The following BBS9 variants were observed in gnomAD, a reference collection of about 807,000 sequenced individuals.
BBS9 encodes the protein Bardet-Biedl syndrome 9, also known as protein PTHB1.
Under a neutral mutation model 117.7 loss-of-function variants are expected in BBS9, and 89 were observed. The observed-to-expected ratio is 0.76, with a 90% CI of 0.64 to 0.90. The LOEUF (loss-of-function observed/expected upper bound fraction) is 0.90. BBS9 is among the 40% of genes least tolerant of loss of function. The pLI, the probability that BBS9 is intolerant of heterozygous loss-of-function variation, is 0.00. For missense variants in BBS9, 982 were observed against 1,042.2 expected (o/e 0.94, Z 0.80); for synonymous variants, 379 against 370.9 (o/e 1.02, Z -0.25).
intron 19 of BBS9, among the ~76,000 whole-genome samples, chr7:33,502,154 C>G (rs971939024): frequency 6.6e-6 from 1 of 152,120 alleles, no homozygotes; most frequent in Non-Finnish European, 1.5e-5. Flanking sequence ...GTGATCTGCC[C>G]GCCTCGGCCT....
chr7:33,608,423 G>A (rs1864695854), downstream of BBS9, among the ~76,000 whole-genome samples: 1 of 152,008 alleles, frequency 6.6e-6, no homozygotes, highest in Admixed American at 6.6e-5. Flanking sequence ...ATGACTAGGT[G>A]GAATGGTAGT....
intron 19 of BBS9, among the ~76,000 whole-genome samples, chr7:33,412,545 A>G (rs1331741816): frequency 6.6e-6 from 1 of 152,172 alleles, no homozygotes; most frequent in African/African-American, 2.4e-5. Flanking sequence ...CTATTCCTGG[A>G]GTTCAGCAGT....
In BBS9 at chr7:33,434,332, T is replaced by A. The variant is rs551347618; in HGVS notation, c.2115+46188T>A. ...TATGTTGCTGTAAAGTCATTTTTTT[T>A]ATTTAATGTGTATCTGTCTTTTTAG... On this transcript the variant is annotated intron_variant, in intron 19 of 22. Coordinates refer to ENST00000242067, the MANE Select transcript of BBS9 (RefSeq NM_198428.3). Among the ~76,000 whole-genome samples, 21 of 152,166 alleles carry A rather than the reference T, an allele frequency of 1.4e-4. No individual in the cohort carries two copies. In the South Asian group the frequency reaches 2.5e-3, roughly 18 times the overall value.
chr7:33,273,593 C>G (rs1332937047), intron 8 of BBS9, among the ~76,000 whole-genome samples: 1 of 152,094 alleles, frequency 6.6e-6, no homozygotes, highest in Non-Finnish European at 1.5e-5. Flanking sequence ...TTCATGCTTT[C>G]TAGATGAAAT....
intron 21 of BBS9, among the ~76,000 whole-genome samples, chr7:33,588,975 A>G (rs1442216724): frequency 6.6e-6 from 1 of 152,130 alleles, no homozygotes; most frequent in Non-Finnish European, 1.5e-5. Flanking sequence ...TCTGGGTGAA[A>G]TGGGGAAAGC....
chr7:33,453,118 T>C (rs1227215013), intron 19 of BBS9, among the ~76,000 whole-genome samples: 1 of 152,236 alleles, frequency 6.6e-6, no homozygotes, highest in Non-Finnish European at 1.5e-5. Flanking sequence ...TTTGAAGTAC[T>C]GGAAATCATG....
intron 19 of BBS9, among the ~76,000 whole-genome samples, chr7:33,408,842 C>T (rs1445385423): frequency 6.6e-6 from 1 of 152,188 alleles, no homozygotes; most frequent in East Asian, 1.9e-4. Context: ...GGAAGTGTTC[C>T]CTTTTCTCTG....
chr7:33,546,338 C>T (rs1341790782), intron 21 of BBS9, among the ~76,000 whole-genome samples: 1 of 152,112 alleles, frequency 6.6e-6, no homozygotes, highest in African/African-American at 2.4e-5. Context: ...AACATATAAA[C>T]TGCTTCTGAT....
chr7:33,242,522 C>T (rs17475325), intron 5 of BBS9, among the ~76,000 whole-genome samples: 15,359 of 151,820 alleles, frequency 0.1, 1,092 homozygotes, highest in Non-Finnish European at 0.16. Context: ...TAGTTTTTAG[C>T]TTCTAAATTT....
chr7:33,579,911 C>T (rs1349422), intron 21 of BBS9, among the ~76,000 whole-genome samples: 50,532 of 152,058 alleles, frequency 0.33, 12,885 homozygotes, highest in African/African-American at 0.71. Context: ...GTATATTCTT[C>T]ATGAAGAACT....
chr7:33,161,926 G>C lies in BBS9; in HGVS notation c.328+6224G>C, dbSNP rs1217883877. 3.3e-5 allele frequency among the ~76,000 whole-genome samples: 5 copies of C among 152,186 alleles called. No homozygotes were observed. The South Asian group carries it at 1.0e-3, about 31-fold the overall frequency. ...TGGGTGCATAGATGTCTTCTTTTGA[G>C]AAGTGTCTGTTCATATCCTTTGCCC... On this transcript the variant is annotated intron_variant, in intron 4 of 22. Coordinates refer to ENST00000242067, the MANE Select transcript of BBS9 (RefSeq NM_198428.3).
chr7:33,470,106 G>A (rs563404044), intron 19 of BBS9, among the ~76,000 whole-genome samples: 1 of 152,246 alleles, frequency 6.6e-6, no homozygotes. Context: ...TTGGAATTGA[G>A]GACTTACTAC....
chr7:33,458,745 G>C (rs1049667580), intron 19 of BBS9, among the ~76,000 whole-genome samples: 2 of 152,166 alleles, frequency 1.3e-5, no homozygotes, highest in Non-Finnish European at 2.9e-5. Context: ...TTATGGAAGA[G>C]TGATTCACTG....
Position 33,294,264 on chromosome 7 carries a change from C to T in BBS9, c.1016+20308C>T, listed in dbSNP as rs994015315. Among the ~76,000 whole-genome samples the T allele has an allele frequency of 2.6e-5, 4 of 152,000 alleles. 1 individual carries two copies. Among genetic ancestry groups the T allele is most frequent in the South Asian group, 4.1e-4 (2 of 4,828 alleles). On this transcript the variant is annotated intron_variant, in intron 9 of 22. Coordinates refer to ENST00000242067, the MANE Select transcript of BBS9 (RefSeq NM_198428.3). Reference sequence around the variant, plus strand: ...CATATGCCAAACACACACACACTCACGCACACAATACTTCCATCTATCTAT... The same window carrying T: ...CATATGCCAAACACACACACACTCATGCACACAATACTTCCATCTATCTAT...
rs771504584 is a variant in BBS9, at chr7:33,193,612, G to A, written c.442+16021G>A. On this transcript the variant is annotated intron_variant, in intron 5 of 22. Coordinates refer to ENST00000242067, the MANE Select transcript of BBS9 (RefSeq NM_198428.3). ...AGTTTGTTTTCCTTCCTGACGTACTGTTTTGACGGTTGGATATCATGCAGT... is the reference window on the plus strand; with the variant it reads ...AGTTTGTTTTCCTTCCTGACGTACTATTTTGACGGTTGGATATCATGCAGT... Among the ~76,000 whole-genome samples, 131 of 152,000 alleles carry A rather than the reference G, an allele frequency of 8.6e-4. 1 individual carries two copies. Among genetic ancestry groups the A allele is most frequent in the Admixed American group, 3.7e-3 (57 of 15,252 alleles).
At chr7:33,215,462 T>A (rs886525929) in intron 5 of BBS9, among the ~76,000 whole-genome samples, 6 of 152,192 alleles carry the variant, frequency 3.9e-5, no homozygotes, top group African/African-American at 1.2e-4. Context: ...GAAACTAGAC[T>A]CCTGTCTCTT....
intron 17 of BBS9, among the ~76,000 whole-genome samples, chr7:33,369,325 T>A (rs1563075487): frequency 6.6e-6 from 1 of 152,148 alleles, no homozygotes; most frequent in Admixed American, 6.5e-5. Context: ...AAGGCAAAAA[T>A]TTTTGCAAAT....
At chr7:33,452,372 C>A (rs1051682007) in intron 19 of BBS9, among the ~76,000 whole-genome samples, 3 of 152,062 alleles carry the variant, frequency 2.0e-5, no homozygotes, top group Non-Finnish European at 2.9e-5. Flanking sequence ...TGAAATTCAG[C>A]CCTTCTTTTC....
intron 5 of BBS9, among the ~76,000 whole-genome samples, chr7:33,240,266 T>G (rs1183855464): frequency 6.6e-6 from 1 of 151,878 alleles, no homozygotes; most frequent in Non-Finnish European, 1.5e-5. Context: ...TGTTCTTTTT[T>G]TTTTTTTTTG....
Sources: allele counts gnomAD v4.1 joint callset (sites outside exome capture counted in the v4.1 genomes callset), GRCh38; gene constraint gnomAD v4.1.1; transcripts MANE v1.5; gene names NCBI Gene and HGNC (gene_info 2026-07-23, HGNC 2026-07-21).